PWWP2B: variants seen among roughly 807,000 people sequenced by gnomAD.
PWWP2B encodes PWWP domain-containing protein 2B.
PWWP2B carries 9 observed loss-of-function variants against 15.5 expected under a neutral mutation model. That is an observed-to-expected ratio of 0.58 (90% CI 0.35 to 1.02). The LOEUF is 1.02. Among genes scored for constraint, PWWP2B ranks in the 50% least tolerant of loss-of-function variants. PWWP2B has a pLI of 0.02. For synonymous variants in PWWP2B, 474 were observed against 403.6 expected (o/e 1.17, Z -2.09); for missense variants, 864 against 865.3 (o/e 1.00, Z 0.02).
At chr10:132,416,094 G>T (rs1329396448) in intron 2 of PWWP2B, among the ~76,000 whole-genome samples, 1 of 152,214 alleles carries the variant, frequency 6.6e-6, no homozygotes, top group African/African-American at 2.4e-5. Context: ...GCTTCCACGA[G>T]GGCAGCACTG....
At chr10:132,415,174 G>C (rs2069828551) in intron 2 of PWWP2B, among the ~76,000 whole-genome samples, 1 of 151,918 alleles carries the variant, frequency 6.6e-6, no homozygotes, top group Non-Finnish European at 1.5e-5. Context: ...AAGAGGCTGA[G>C]ATCTCTCCTG....
At chr10:132,413,737 G>A (rs1384444839) in intron 2 of PWWP2B, among the ~76,000 whole-genome samples, 1 of 152,232 alleles carries the variant, frequency 6.6e-6, no homozygotes, top group East Asian at 1.9e-4. Context: ...TCGCCTCCTT[G>A]TGATGTGCAG....
chr10:132,414,722 C>T (rs1054121887), intron 2 of PWWP2B, among the ~76,000 whole-genome samples: 2 of 152,202 alleles, frequency 1.3e-5, no homozygotes. Flanking sequence ...TTTGTGTGAC[C>T]GGCTCTAATC....
At chr10:132,406,910 G>A (rs1164547749) in intron 2 of PWWP2B, among the ~76,000 whole-genome samples, 1 of 152,190 alleles carries the variant, frequency 6.6e-6, no homozygotes, top group African/African-American at 2.4e-5. Context: ...GGCTGTGTGC[G>A]TGGCCAGGCG....
At chr10:132,401,403 C>G in intron 1 of PWWP2B, among the ~76,000 whole-genome samples, 1 of 147,544 alleles carries the variant, frequency 6.8e-6, no homozygotes, top group East Asian at 1.9e-4. Flanking sequence ...GGCAGGGCCC[C>G]CATGGGGCCC....
chr10:132,404,024 GGCA>G (rs1222290865), intron 1 of PWWP2B, among the ~76,000 whole-genome samples: 2 of 58,142 alleles, frequency 3.4e-5, no homozygotes, highest in East Asian at 6.1e-4. Flanking sequence ...CCTGCAGGAC[GGCA>G]TTCTCCAGGG....
rs2069674922 is a variant in PWWP2B, at chr10:132,405,127, C to G, written c.627C>G (p.Asp209Glu). 3 of 1,543,234 alleles carry G rather than the reference C, an allele frequency of 1.9e-6. No homozygotes were observed. Among genetic ancestry groups the G allele is most frequent in the Non-Finnish European group, 1.7e-6 (2 of 1,144,136 alleles). The change falls in exon 2 of 3, where the codon GAC becomes GAG. Residue 209 changes from aspartate to glutamate, a missense_variant. Physicochemically the swap from Asp to Glu is conservative, Grantham distance 45. Coordinates refer to ENST00000305233, the MANE Select transcript of PWWP2B (RefSeq NM_138499.4). Reference sequence around the variant, plus strand: ...GCAGGAGGCTGGGCAGCGGCCCGGACAGGGAGCTCCGCAAGCCGGAGGAGC... The same window carrying G: ...GCAGGAGGCTGGGCAGCGGCCCGGAGAGGGAGCTCCGCAAGCCGGAGGAGC... ...RARRRLGSGP[D>E]RELRKPEEPE...
rs762531833 is a variant in PWWP2B at position 132,404,830 on chromosome 10, C to G, written c.330C>G (p.Pro110=). The stretch of plus-strand genomic sequence containing the variant: ...CCCCGCCCCTCGTGCCGCCGCTGCC[C>G]GCCGGAAGCCTGCCCCCGTACCCTC... ...EPPPPLVPPL[P]AGSLPPYPPY... is the part of the protein sequence containing the mutation. The change falls in exon 2 of 3, where the codon CCC becomes CCG. Residue 110 remains proline, a synonymous_variant. Transcript: ENST00000305233. 1 of 1,567,954 alleles carries G rather than the reference C, an allele frequency of 6.4e-7. No homozygotes were observed. The highest frequency in any genetic ancestry group is 8.6e-7 in the Non-Finnish European group (1 of 1,161,204).
intron 2 of PWWP2B, among the ~76,000 whole-genome samples, chr10:132,406,937 T>C (rs2069709043): frequency 6.6e-6 from 1 of 152,094 alleles, no homozygotes; most frequent in Non-Finnish European, 1.5e-5. Context: ...ACCTGGGACA[T>C]GGTGTGGGGG....
At chr10:132,397,415 G>A in intron 1 of PWWP2B, 64 bp downstream of exon 1, 3 of 1,153,466 alleles carry the variant, frequency 2.6e-6, no homozygotes, top group Non-Finnish European at 3.2e-6. Context: ...TCCGCCGCCC[G>A]GAGACCCGGG....
At chr10:132,399,011 C>A (rs1447736986) in intron 1 of PWWP2B, among the ~76,000 whole-genome samples, 5 of 112,070 alleles carry the variant, frequency 4.5e-5, no homozygotes, top group Non-Finnish European at 1.0e-4. Context: ...CTCCTCTCCC[C>A]CAGCCCCAGT....
chr10:132,399,778 G>T (rs75845937), intron 1 of PWWP2B, among the ~76,000 whole-genome samples: 4 of 152,262 alleles, frequency 2.6e-5, no homozygotes, highest in African/African-American at 4.8e-5. Flanking sequence ...GGTGATTTGG[G>T]GACATGCTTC....
intron 1 of PWWP2B, among the ~76,000 whole-genome samples, chr10:132,398,639 G>A (rs1326388596): frequency 4.6e-5 from 7 of 152,220 alleles, no homozygotes; most frequent in East Asian, 1.9e-4. Flanking sequence ...CAGTGGCCTC[G>A]GGCTCTCCTC....
chr10:132,415,004 G>A (rs2069825850), intron 2 of PWWP2B, among the ~76,000 whole-genome samples: 1 of 152,166 alleles, frequency 6.6e-6, no homozygotes, highest in African/African-American at 2.4e-5. Context: ...TTGTGTTTGT[G>A]TCAATCTTAC....
chr10:132,414,918 A>G (rs2069823383), intron 2 of PWWP2B, among the ~76,000 whole-genome samples: 1 of 152,154 alleles, frequency 6.6e-6, no homozygotes, highest in Non-Finnish European at 1.5e-5. Flanking sequence ...GGACTGTGTC[A>G]GCGGGGCCTC....
chr10:132,401,826 C>T (rs1379625674), intron 1 of PWWP2B, among the ~76,000 whole-genome samples: 1 of 152,246 alleles, frequency 6.6e-6, no homozygotes, highest in Non-Finnish European at 1.5e-5. Context: ...TCAAGGAGGG[C>T]AGGAGCCGAG....
At chr10:132,401,998 C>G (rs117925959) in intron 1 of PWWP2B, among the ~76,000 whole-genome samples, 376 of 152,342 alleles carry the variant, frequency 2.5e-3, no homozygotes, top group Middle Eastern at 6.8e-3. Flanking sequence ...GGCGGCAGCT[C>G]CAGGAAGGAA....
In PWWP2B at chr10:132,414,592, T is replaced by G. The variant is rs540276335; in HGVS notation, c.*17-2469T>G. On this transcript the variant is annotated intron_variant, in intron 2 of 2. Coordinates refer to ENST00000305233, the MANE Select transcript of PWWP2B (RefSeq NM_138499.4). ...GGGCTGGAGGATGCATAGGTGGAGC[T>G]GCTGCGATTCCGGGGTCGGCCTCTA... 3.0e-3 allele frequency among the ~76,000 whole-genome samples: 458 copies of G among 152,296 alleles called. 4 individuals carry two copies. Among genetic ancestry groups the G allele is most frequent in the Middle Eastern group, 3.4e-3 (1 of 294 alleles).
intron 2 of PWWP2B, among the ~76,000 whole-genome samples, chr10:132,407,999 C>T (rs983687658): frequency 6.6e-5 from 10 of 152,184 alleles, no homozygotes; most frequent in Admixed American, 4.6e-4. Context: ...AGTGCCCAGC[C>T]GGGAGGGAGG....
Sources: allele counts gnomAD v4.1 joint callset (sites outside exome capture counted in the v4.1 genomes callset), GRCh38; gene constraint gnomAD v4.1.1; transcripts MANE v1.5; gene names NCBI Gene and HGNC (gene_info 2026-07-23, HGNC 2026-07-21).